The following MINDY4 variants were observed in gnomAD, a reference collection of about 807,000 sequenced individuals.
The protein encoded by MINDY4 is MINDY lysine 48 deubiquitinase 4.
A neutral mutation model predicts 87.0 loss-of-function variants in MINDY4; 68 were observed. The observed-to-expected ratio is 0.78, with a 90% CI of 0.64 to 0.96. The LOEUF is 0.96. MINDY4 is among the 40% of genes least tolerant of loss of function. The pLI is 0.00. For missense variants in MINDY4, 919 were observed against 928.2 expected (o/e 0.99, Z 0.13); for synonymous variants, 379 against 363.2 (o/e 1.04, Z -0.50).
intron 17 of MINDY4, among the ~76,000 whole-genome samples, chr7:30,888,215 G>A (rs1024573778): frequency 6.6e-6 from 1 of 152,188 alleles, no homozygotes; most frequent in Non-Finnish European, 1.5e-5. Context: ...GCCTTTCTCT[G>A]TGATTTTAAG....
chr7:30,854,212 G>A (rs1427619152), intron 12 of MINDY4, among the ~76,000 whole-genome samples: 3 of 152,194 alleles, frequency 2.0e-5, no homozygotes, highest in Non-Finnish European at 4.4e-5. Context: ...CTGACCTCAG[G>A]CAACTTTCTG....
At chr7:30,888,428 G>T (rs1584361800) in intron 17 of MINDY4, among the ~76,000 whole-genome samples, 1 of 152,198 alleles carries the variant, frequency 6.6e-6, no homozygotes, top group African/African-American at 2.4e-5. Context: ...AGGTACCGAG[G>T]ATGAGAGACC....
At chr7:30,781,817 C>T (rs1278930061) in intron 2 of MINDY4, 160 bp from the exon 3 acceptor site, 4 of 611,520 alleles carry the variant, frequency 6.5e-6, no homozygotes, top group African/African-American at 5.6e-5. Context: ...CAACATAGTA[C>T]CTGACATATA....
At chr7:30,771,688 C>T (rs1030813308) in intron 1 of MINDY4, 132 bp downstream of exon 1, 4 of 829,112 alleles carry the variant, frequency 4.8e-6, no homozygotes, top group African/African-American at 3.5e-5. Flanking sequence ...AGAGATGCCC[C>T]AGAAGAGCGC....
intron 8 of MINDY4, among the ~76,000 whole-genome samples, chr7:30,839,566 G>A (rs1788970707): frequency 6.6e-6 from 1 of 152,230 alleles, no homozygotes; most frequent in African/African-American, 2.4e-5. Context: ...CACTTGCTGT[G>A]AGTGGTGCAG....
At chr7:30,850,410 T>C (rs1046130034) in intron 9 of MINDY4, 44 bp from the exon 10 acceptor site, 5 of 1,550,748 alleles carry the variant, frequency 3.2e-6, no homozygotes, top group African/African-American at 2.7e-5. Context: ...CATCTCAACC[T>C]TGTGTCCACA....
intron 6 of MINDY4, among the ~76,000 whole-genome samples, chr7:30,831,502 G>A (rs982010950): frequency 2.0e-5 from 3 of 152,184 alleles, no homozygotes; most frequent in Non-Finnish European, 4.4e-5. Flanking sequence ...AGGCAACAGG[G>A]GGGCAGGATA....
Position 30,771,433 on chromosome 7 carries a change from A to G in MINDY4, c.-61A>G, listed in dbSNP as rs1786627684. 6 of 1,548,758 alleles carry G rather than the reference A, an allele frequency of 3.9e-6. No homozygotes were observed. The highest frequency in any genetic ancestry group is 5.3e-6 in the Non-Finnish European group (6 of 1,140,258). ...AACGCGGCCATACTGCGCCGGACAG[A>G]CCCAGTTGCCTGGTGCTGCGGCCCG... On this transcript the variant is annotated 5_prime_UTR_variant, in exon 1 of 18. Transcript: ENST00000265299.
At chr7:30,883,184 C>A (rs1790524924) in intron 17 of MINDY4, among the ~76,000 whole-genome samples, 191 bp downstream of exon 17, 1 of 152,174 alleles carries the variant, frequency 6.6e-6, no homozygotes, top group Non-Finnish European at 1.5e-5. Context: ...AGTGTGTGGT[C>A]TGCAGTGGTG....
intron 9 of MINDY4, among the ~76,000 whole-genome samples, chr7:30,850,095 C>T (rs933574148): frequency 6.6e-6 from 1 of 152,224 alleles, no homozygotes; most frequent in African/African-American, 2.4e-5. Context: ...CATTCCCGAG[C>T]ACTGCTGGCT....
At chr7:30,868,532 G>A (rs1348158591) in intron 13 of MINDY4, among the ~76,000 whole-genome samples, 1 of 152,218 alleles carries the variant, frequency 6.6e-6, no homozygotes. Flanking sequence ...TGGACAGAGG[G>A]CAGGTGGAGA....
intron 2 of MINDY4, 68 bp downstream of exon 2, chr7:30,778,619 G>A (rs1296942468): frequency 6.3e-7 from 1 of 1,585,110 alleles, no homozygotes; most frequent in African/African-American, 1.3e-5. Context: ...GCACTCATGG[G>A]CCCTGCCAGT....
At chr7:30,833,337 G>T (rs1788762679) in intron 6 of MINDY4, among the ~76,000 whole-genome samples, 1 of 152,240 alleles carries the variant, frequency 6.6e-6, no homozygotes, top group African/African-American at 2.4e-5. Flanking sequence ...ATCTTATGTG[G>T]ATGGTGGCAG....
chr7:30,840,732 C>G, intron 8 of MINDY4, 28 bp from the exon 9 acceptor site: 2 of 1,610,158 alleles, frequency 1.2e-6, no homozygotes, highest in South Asian at 1.1e-5. Flanking sequence ...CCAGTTCTCA[C>G]TGGCAGCAAT....
chr7:30,781,477 T>G (rs573442627), intron 2 of MINDY4: 1 of 154,612 alleles, frequency 6.5e-6, no homozygotes, highest in East Asian at 1.9e-4. Context: ...TGACTGCCTC[T>G]CTGTGCTCTT....
intron 5 of MINDY4, among the ~76,000 whole-genome samples, chr7:30,817,981 C>T (rs1451950901): frequency 6.6e-6 from 1 of 152,102 alleles, no homozygotes; most frequent in Non-Finnish European, 1.5e-5. Context: ...TGTATATCAC[C>T]AGCATATTGG....
chr7:30,877,822 C>CTTTTTTTTTTT lies in MINDY4; in HGVS notation c.1971+2192_1971+2202dup, dbSNP rs60164229. On this transcript the variant is annotated intron_variant, in intron 15 of 17. Coordinates refer to ENST00000265299, the MANE Select transcript of MINDY4 (RefSeq NM_032222.3). ...GAGTAGCTGGGATTACAGGGACATG[C>CTTTTTTTTTTT]TTTTTTTTTTTTTTTTTTTTTTTTT... Among the ~76,000 whole-genome samples the CTTTTTTTTTTT allele has an allele frequency of 8.4e-5, 4 of 47,516 alleles. 2 individuals are homozygous for CTTTTTTTTTTT. The highest frequency in any genetic ancestry group is 1.8e-4 in the Non-Finnish European group (4 of 22,540). The allele number at this position is 47,516 out of a possible 152,430, so 31.2% of individuals were successfully genotyped here.
At chr7:30,771,668 T>G in intron 1 of MINDY4, 112 bp downstream of exon 1, 2 of 1,011,462 alleles carry the variant, frequency 2.0e-6, no homozygotes, top group African/African-American at 3.3e-5. Context: ...CCCTACCTAC[T>G]GCCTGCTCCA....
rs376307796 is a variant in MINDY4, at chr7:30,871,993, G to C, written c.1746-250G>C. ...GTTCTCTAGTGTAGGCAGAGCCCTG[G>C]TGCGGCTGGAGTGGAGGCCATTGCC... On this transcript the variant is annotated intron_variant, in intron 13 of 17. Coordinates refer to ENST00000265299, the MANE Select transcript of MINDY4 (RefSeq NM_032222.3). Among the ~76,000 whole-genome samples the C allele has an allele frequency of 9.9e-5, 15 of 152,238 alleles. 2 individuals carry two copies. In the South Asian group the frequency reaches 3.1e-3, roughly 32 times the overall value.
Sources: allele counts gnomAD v4.1 joint callset (sites outside exome capture counted in the v4.1 genomes callset), GRCh38; gene constraint gnomAD v4.1.1; transcripts MANE v1.5; gene names NCBI Gene and HGNC (gene_info 2026-07-23, HGNC 2026-07-21).